TASP1: variants seen among roughly 807,000 people sequenced by gnomAD.
TASP1 encodes taspase 1, also known as threonine aspartase 1.
TASP1 carries 16 observed loss-of-function variants against 56.6 expected under a neutral mutation model. The ratio of observed to expected loss-of-function variants is 0.28; its 90% CI spans 0.19 to 0.43. The LOEUF (loss-of-function observed/expected upper bound fraction) is 0.43, where lower values mean the gene tolerates loss of function less well. Ranked by LOEUF, TASP1 falls within the 20% of genes least tolerant of loss-of-function variation. TASP1 has a pLI of 1.00. For missense variants in TASP1, 393 were observed against 511.6 expected (o/e 0.77, Z 2.24); for synonymous variants, 179 against 184.2 (o/e 0.97, Z 0.23).
chr20:13,301,443 C>T, the TASP1 span, among the ~76,000 whole-genome samples: 3 of 152,152 alleles, frequency 2.0e-5, no homozygotes, highest in Non-Finnish European at 4.4e-5. Flanking sequence ...CCTGCCTTGG[C>T]CTCCCAAAGC....
At chr20:13,534,853 T>C (rs949780047) in intron 8 of TASP1, among the ~76,000 whole-genome samples, 1 of 152,150 alleles carries the variant, frequency 6.6e-6, no homozygotes, top group African/African-American at 2.4e-5. Context: ...CCAAAGTTTA[T>C]GGGTCACCTG....
At chr20:13,319,772 C>T in the TASP1 span, among the ~76,000 whole-genome samples, 4 of 152,162 alleles carry the variant, frequency 2.6e-5, no homozygotes, top group African/African-American at 7.2e-5. Flanking sequence ...GTGAGAGAGA[C>T]GTGGGGACAG....
chr20:13,280,426 TGA>T, the TASP1 span, among the ~76,000 whole-genome samples: 1 of 140,116 alleles, frequency 7.1e-6, no homozygotes. Context: ...AACTCCAAGT[TGA>T]GAGATCTGGT....
At chr20:13,254,167 A>C in the TASP1 span, among the ~76,000 whole-genome samples, 2 of 151,366 alleles carry the variant, frequency 1.3e-5, no homozygotes, top group African/African-American at 4.9e-5. Flanking sequence ...CAGGAGGGGG[A>C]GGTTGCAGTG....
the TASP1 span, among the ~76,000 whole-genome samples, chr20:13,264,055 G>A: frequency 6.6e-6 from 1 of 152,070 alleles, no homozygotes; most frequent in African/African-American, 2.4e-5. Flanking sequence ...ATCTAACTAG[G>A]CCCTCGTTAC....
chr20:13,141,287 G>C, the TASP1 span, among the ~76,000 whole-genome samples: 67 of 152,156 alleles, frequency 4.4e-4, no homozygotes, highest in Admixed American at 7.9e-4. Flanking sequence ...TTATCTTGTG[G>C]CTGTTATTGC....
intron 12 of TASP1, among the ~76,000 whole-genome samples, chr20:13,419,415 G>A (rs1449471136): frequency 6.6e-6 from 1 of 152,150 alleles, no homozygotes; most frequent in African/African-American, 2.4e-5. Flanking sequence ...TTTTCTGTAT[G>A]TATAAAATTA....
At chr20:13,590,593 C>A (rs1465176777) in intron 4 of TASP1, among the ~76,000 whole-genome samples, 1 of 152,068 alleles carries the variant, frequency 6.6e-6, no homozygotes, top group African/African-American at 2.4e-5. Flanking sequence ...TTTGACCAGG[C>A]ACAGCAGCTC....
intron 4 of TASP1, among the ~76,000 whole-genome samples, chr20:13,610,412 C>A (rs988506799): frequency 4.6e-5 from 7 of 152,094 alleles, no homozygotes; most frequent in Non-Finnish European, 1.0e-4. Context: ...GCACAAGGGG[C>A]CTTCTGGAGG....
At chr20:13,494,783 T>C (rs987996412) in intron 10 of TASP1, among the ~76,000 whole-genome samples, 1 of 152,086 alleles carries the variant, frequency 6.6e-6, no homozygotes, top group African/African-American at 2.4e-5. Flanking sequence ...GTAATAATTA[T>C]CTGCAAATAA....
At chr20:13,414,541 C>T (rs565173480) in intron 13 of TASP1, among the ~76,000 whole-genome samples, 1 of 152,274 alleles carries the variant, frequency 6.6e-6, no homozygotes, top group Non-Finnish European at 1.5e-5. Context: ...AAAGTGACCT[C>T]TACATAATAA....
chr20:13,311,066 T>C, the TASP1 span, among the ~76,000 whole-genome samples: 1 of 151,996 alleles, frequency 6.6e-6, no homozygotes, highest in Non-Finnish European at 1.5e-5. Flanking sequence ...TGGTGGCGGG[T>C]GCCTGTAATC....
At chr20:13,509,857 A>C (rs1378920657) in intron 10 of TASP1, among the ~76,000 whole-genome samples, 1 of 152,046 alleles carries the variant, frequency 6.6e-6, no homozygotes, top group Non-Finnish European at 1.5e-5. Flanking sequence ...CAAACTCCTG[A>C]CCTTGTGATC....
At chr20:13,218,113 T>G in the TASP1 span, among the ~76,000 whole-genome samples, 1 of 151,708 alleles carries the variant, frequency 6.6e-6, no homozygotes, top group Admixed American at 6.6e-5. Flanking sequence ...CAGCCAGGCG[T>G]GGGGGCAGGA....
At chr20:13,232,235 C>G in the TASP1 span, among the ~76,000 whole-genome samples, 1 of 152,128 alleles carries the variant, frequency 6.6e-6, no homozygotes, top group Admixed American at 6.5e-5. Context: ...AATACTGACA[C>G]CTGTAAAACC....
chr20:13,563,432 C>T (rs776547714), intron 7 of TASP1, among the ~76,000 whole-genome samples: 5 of 152,062 alleles, frequency 3.3e-5, no homozygotes, highest in Non-Finnish European at 5.9e-5. Context: ...CCAGCACTAT[C>T]CTAATACCAA....
the TASP1 span, among the ~76,000 whole-genome samples, chr20:13,174,341 A>G: frequency 2.4e-3 from 365 of 152,306 alleles, 3 homozygotes; most frequent in East Asian, 0.012. Flanking sequence ...TTAGTTAACC[A>G]AAGCTTAAAA....
At chr20:13,370,127 T>C in the TASP1 span, among the ~76,000 whole-genome samples, 15 of 152,120 alleles carry the variant, frequency 9.9e-5, no homozygotes, top group Non-Finnish European at 2.2e-4. Flanking sequence ...ATAAGAGAAT[T>C]ATTTGACAAG....
chr20:13,619,141 G>A (rs558398151), intron 4 of TASP1, among the ~76,000 whole-genome samples: 35 of 152,010 alleles, frequency 2.3e-4, no homozygotes, highest in East Asian at 3.9e-4. Flanking sequence ...CCAAAGATCC[G>A]TCCACTTCGG....
Sources: gnomAD v4.1 joint callset for allele counts (sites outside exome capture counted in the v4.1 genomes callset) on GRCh38, gnomAD v4.1.1 for gene constraint, MANE v1.5 for transcripts, NCBI Gene and HGNC (gene_info 2026-07-23, HGNC 2026-07-21) for gene names.